The following MDH1 variants were observed in gnomAD, a reference collection of about 807,000 sequenced individuals.
The protein encoded by MDH1 is malate dehydrogenase 1.
In MDH1, 15 loss-of-function variants were observed where a neutral mutation model predicts 38.7. That is an observed-to-expected ratio of 0.39 (90% CI 0.26 to 0.60). The LOEUF is 0.60. Among genes scored for constraint, MDH1 ranks in the 20% least tolerant of loss-of-function variants. The pLI is 0.56. For synonymous variants in MDH1, 144 were observed against 143.6 expected (o/e 1.00, Z -0.02); for missense variants, 368 against 405.2 (o/e 0.91, Z 0.79).
At chr2:63,597,702 T>G in intron 4 of MDH1, 128 bp downstream of exon 4, 3 of 811,842 alleles carry the variant, frequency 3.7e-6, no homozygotes, top group Non-Finnish European at 5.1e-6. Context: ...TAAATACGGC[T>G]CTAGAGTTTT....
intron 1 of MDH1, chr2:63,590,917 G>GT (rs1709190063): frequency 6.6e-6 from 1 of 152,232 alleles, no homozygotes; most frequent in African/African-American, 2.4e-5. Context: ...TTCTTTGCTT[G>GT]TTGTCTGTAG....
intron 5 of MDH1, among the ~76,000 whole-genome samples, chr2:63,603,479 CA>C (rs1443988277): frequency 3.3e-5 from 5 of 152,062 alleles, no homozygotes; most frequent in Non-Finnish European, 7.4e-5. Context: ...ACAATGTCAC[CA>C]AAACAGATCA....
In MDH1 at chr2:63,602,934, C is replaced by CTTTTTT. The variant is rs370479356; in HGVS notation, c.499-1724_499-1719dup. 5.1e-3 allele frequency among the ~76,000 whole-genome samples: 670 copies of CTTTTTT among 131,306 alleles called. 40 individuals carry two copies. Among genetic ancestry groups the CTTTTTT allele is most frequent in the Non-Finnish European group, 8.9e-3 (530 of 59,376 alleles). The allele number at this position is 131,306 out of a possible 152,430, so 86.1% of individuals were successfully genotyped here. On this transcript the variant is annotated intron_variant, in intron 5 of 8. Transcript: ENST00000233114. ...ACATAATACAGTTTATTTAACCGTT[C>CTTTTTT]TTTTTTTTTTTTTTTTTTTTTTTTT... is the stretch of plus-strand genomic sequence containing the variant.
intron 1 of MDH1, chr2:63,593,024 T>C (rs995647274): frequency 1.3e-5 from 2 of 152,100 alleles, no homozygotes; most frequent in South Asian, 2.1e-4. Flanking sequence ...AAAAAAAAAA[T>C]TGTGTAGTAT....
chr2:63,605,806 C>A, intron 7 of MDH1, 133 bp from the exon 8 acceptor site: 1 of 751,786 alleles, frequency 1.3e-6, no homozygotes, highest in Non-Finnish European at 2.4e-6. Flanking sequence ...GTACCTGGTG[C>A]TGATGATAGT....
chr2:63,600,492 A>G (rs1422102505), intron 5 of MDH1, among the ~76,000 whole-genome samples: 1 of 152,228 alleles, frequency 6.6e-6, no homozygotes, highest in Non-Finnish European at 1.5e-5. Flanking sequence ...GATTTTGAGA[A>G]AGTATATTCA....
rs779903909 is a variant in MDH1, at chr2:63,605,363, C to T, written c.759C>T (p.His253=). The T allele has an allele frequency of 1.1e-5, 17 of 1,613,970 alleles. No individual in the cohort carries two copies. The highest frequency in any genetic ancestry group is 3.3e-5 in the South Asian group (3 of 91,092). The stretch of plus-strand genomic sequence containing the variant: ...CTGCTGCAAAAGCCATCTGTGACCA[C>T]GTCAGGGACATCTGGTTTGGAACCC... ...AMSAAKAICD[H]VRDIWFGTPE... Residue 253 remains histidine, a synonymous_variant, in exon 7 of 9, where the codon CAC becomes CAT. Coordinates refer to ENST00000233114, the MANE Select transcript of MDH1 (RefSeq NM_005917.4).
At chr2:63,601,938 G>A (rs1332879157) in intron 5 of MDH1, among the ~76,000 whole-genome samples, 1 of 152,120 alleles carries the variant, frequency 6.6e-6, no homozygotes, top group Admixed American at 6.5e-5. Flanking sequence ...AGTTCTTTCT[G>A]GTCATGGCAG....
At position 63,594,497 on chromosome 2, in the gene MDH1, A is replaced by C; in HGVS notation, c.13A>C (p.Ile5Leu). Residue 5 changes from isoleucine (I) to leucine (L), a missense_variant, in exon 2 of 9, where the codon ATC becomes CTC. Coordinates refer to ENST00000233114, the MANE Select transcript of MDH1 (RefSeq NM_005917.4). ...GTCTTTTTCATTACAGTCTGAACCAATCAGAGTCCTTGTGACTGGAGCAGC... is the reference window on the plus strand; with the variant it reads ...GTCTTTTTCATTACAGTCTGAACCACTCAGAGTCCTTGTGACTGGAGCAGC... MSEP[I>L]RVLVTGAAGQ... is the part of the protein sequence containing the mutation. The C allele has an allele frequency of 2.5e-6, 4 of 1,612,822 alleles. No homozygotes were observed. In the South Asian group the frequency reaches 4.4e-5, roughly 18 times the overall value.
In MDH1 at chr2:63,602,934, C is replaced by CTTTTTTTT. The variant is rs370479356; in HGVS notation, c.499-1726_499-1719dup. On this transcript the variant is annotated intron_variant, in intron 5 of 8. Transcript: ENST00000233114. ...ACATAATACAGTTTATTTAACCGTT[C>CTTTTTTTT]TTTTTTTTTTTTTTTTTTTTTTTTT... Among the ~76,000 whole-genome samples, 163 of 131,506 alleles carry CTTTTTTTT rather than the reference C, an allele frequency of 1.2e-3. 10 individuals are homozygous for CTTTTTTTT. The highest frequency in any genetic ancestry group is 2.1e-3 in the Non-Finnish European group (127 of 59,536). 86.3% of individuals were successfully genotyped at this position (131,506 alleles called of 152,430 possible). A position where few individuals can be genotyped will look rare whatever the true frequency, so the allele number is the denominator to read the frequency against.
Position 63,597,281 on chromosome 2 carries a change from G to A in MDH1, c.200-118G>A. 4 of 1,251,206 alleles carry A rather than the reference G, an allele frequency of 3.2e-6. No individual in the cohort carries two copies. The South Asian group carries it at 1.2e-4, about 37-fold the overall frequency. 77.5% of individuals were successfully genotyped at this position (1,251,206 alleles called of 1,614,324 possible). A position where few individuals can be genotyped will look rare whatever the true frequency, so the allele number is the denominator to read the frequency against. Reference sequence around the variant, plus strand: ...TCTCAGGCTCCTGAAATGTATATCAGTGTGATATGTAAACACTTGCAACAA... The same window carrying A: ...TCTCAGGCTCCTGAAATGTATATCAATGTGATATGTAAACACTTGCAACAA... On this transcript the variant is annotated intron_variant, in intron 3 of 8. Coordinates refer to ENST00000233114, the MANE Select transcript of MDH1 (RefSeq NM_005917.4).
At chr2:63,601,515 T>A (rs1709417835) in intron 5 of MDH1, among the ~76,000 whole-genome samples, 2 of 152,252 alleles carry the variant, frequency 1.3e-5, no homozygotes, top group Non-Finnish European at 1.5e-5. Flanking sequence ...AACAGACCTA[T>A]GTGACAGACA....
intron 3 of MDH1, among the ~76,000 whole-genome samples, chr2:63,597,045 T>A (rs1239660320): frequency 6.6e-6 from 1 of 152,222 alleles, no homozygotes; most frequent in Non-Finnish European, 1.5e-5. Flanking sequence ...ATTTAAAGGT[T>A]AGGTGAATTA....
chr2:63,603,895 G>A (rs553623471), intron 5 of MDH1, among the ~76,000 whole-genome samples: 26 of 152,302 alleles, frequency 1.7e-4, no homozygotes, highest in African/African-American at 6.0e-4. Flanking sequence ...AACCTCAGGT[G>A]ATCTGCCCGC....
rs1709338844 is a variant in MDH1 at position 63,597,502 on chromosome 2, A to G, written c.303A>G (p.Leu101=). The G allele has an allele frequency of 6.6e-7, 1 of 1,521,916 alleles. No individual in the cohort carries two copies. Among genetic ancestry groups the G allele is most frequent in the Non-Finnish European group, 8.9e-7 (1 of 1,127,410 alleles). 94.3% of individuals were successfully genotyped at this position (1,521,916 alleles called of 1,614,324 possible). Residue 101 remains leucine (L), a synonymous_variant, in exon 4 of 9, where the codon TTA becomes TTG. Coordinates refer to ENST00000233114, the MANE Select transcript of MDH1 (RefSeq NM_005917.4). Reference sequence around the variant, plus strand: ...GGGAAGGCATGGAGAGAAAAGATTTACTGAAAGCAAATGTGAAAATCTTCA... The same window carrying G: ...GGGAAGGCATGGAGAGAAAAGATTTGCTGAAAGCAAATGTGAAAATCTTCA... The part of the protein sequence containing the change: ...PRREGMERKD[L]LKANVKIFKS...
At position 63,605,332 on chromosome 2, in the gene MDH1, C is replaced by T. The variant is rs745629346; in HGVS notation, c.728C>T (p.Ala243Val). The T allele has an allele frequency of 2.5e-6, 4 of 1,614,188 alleles. No individual in the cohort carries two copies. The highest frequency in any genetic ancestry group is 3.4e-6 in the Non-Finnish European group (4 of 1,180,018). The change falls in exon 7 of 9, where the codon GCC becomes GTC. Residue 243 changes from alanine to valine, a missense_variant. By Grantham distance (64) the Ala-to-Val change is moderately conservative (BLOSUM62 0). Transcript: ENST00000233114. ...ATCAAGGCTCGAAAACTATCCAGTGCCATGTCTGCTGCAAAAGCCATCTGT... is the reference window on the plus strand; with the variant it reads ...ATCAAGGCTCGAAAACTATCCAGTGTCATGTCTGCTGCAAAAGCCATCTGT... ...AVIKARKLSSAMSAAKAICDH... is the reference protein window; with the variant it reads ...AVIKARKLSSVMSAAKAICDH...
chr2:63,589,743 G>T (rs1709125959), intron 1 of MDH1, among the ~76,000 whole-genome samples: 1 of 152,144 alleles, frequency 6.6e-6, no homozygotes, highest in African/African-American at 2.4e-5. Context: ...TGGAAGACCT[G>T]GGTAACCTGC....
chr2:63,600,604 C>G (rs887090115), intron 5 of MDH1, among the ~76,000 whole-genome samples: 3 of 152,284 alleles, frequency 2.0e-5, no homozygotes, highest in Middle Eastern at 3.4e-3. Context: ...ATAGTAAATA[C>G]AAGAAAGGTT....
chr2:63,602,816 GTT>G (rs1709450117), intron 5 of MDH1, among the ~76,000 whole-genome samples: 1 of 151,920 alleles, frequency 6.6e-6, no homozygotes, highest in Non-Finnish European at 1.5e-5. Flanking sequence ...TTTTCACTCA[GTT>G]TAATGCCTTT....
Sources: allele counts gnomAD v4.1 joint callset (sites outside exome capture counted in the v4.1 genomes callset), GRCh38; gene constraint gnomAD v4.1.1; transcripts MANE v1.5; gene names NCBI Gene and HGNC (gene_info 2026-07-23, HGNC 2026-07-21).